PTPN3: variants seen among roughly 807,000 people sequenced by gnomAD.
PTPN3 encodes protein tyrosine phosphatase non-receptor type 3, also known as tyrosine-protein phosphatase non-receptor type 3.
PTPN3 carries 96 observed loss-of-function variants against 132.7 expected under a neutral mutation model. That is an observed-to-expected ratio of 0.72 (90% confidence interval 0.61 to 0.86). The LOEUF (loss-of-function observed/expected upper bound fraction) is 0.86, where lower values mean the gene tolerates loss of function less well. Ranked by LOEUF, PTPN3 falls within the 40% of genes least tolerant of loss-of-function variation. The pLI is 0.00. For missense variants in PTPN3, 1,125 were observed against 1,159.6 expected, an observed-to-expected ratio of 0.97 and a Z score of 0.43; for synonymous variants, 398 against 429.0, an observed-to-expected ratio of 0.93 and a Z score of 0.89.
chr9:109,379,697 T>G, intron 25 of PTPN3, 64 bp from the exon 26 acceptor site: 1 of 1,345,392 alleles, frequency 7.4e-7, no homozygotes, highest in Non-Finnish European at 1.1e-6. Context: ...CCACACCCTG[T>G]ACCGGTGGGT....
Position 109,391,559 on chromosome 9 carries a change from T to G in PTPN3, c.1956A>C (p.Gln652His). ...ESGTVLIQFE[Q>H]LYRKKPGLAI... ...CCAAACCTGGCTTTTTTCTGTAGAG[T>G]TGCTATGTGAGAAATAGAGAAAAAA... Residue 652 changes from glutamine to histidine, a missense_variant and splice_region_variant, in exon 20 of 26, where the codon CAA becomes CAC. Transcript: ENST00000374541. 1 of 1,610,246 alleles carries G rather than the reference T, an allele frequency of 6.2e-7. No homozygotes were observed.
chr9:109,426,940 G>A lies in PTPN3; in HGVS notation c.1001+10C>T. On this transcript the variant is annotated intron_variant, in intron 12 of 25. Transcript: ENST00000374541. ...GCCTAGTGTGGACACAGTCTTTACA[G>A]CACACTCACTTTTTGGTGTTCCGAG... The A allele has an allele frequency of 6.2e-7, 1 of 1,603,040 alleles. No individual in the cohort carries two copies. The highest frequency in any genetic ancestry group is 8.5e-7 in the Non-Finnish European group (1 of 1,170,322).
chr9:109,380,143 C>T (rs933195317), intron 25 of PTPN3, among the ~76,000 whole-genome samples: 3 of 152,104 alleles, frequency 2.0e-5, no homozygotes, highest in African/African-American at 7.2e-5. Context: ...TAGCAAATAC[C>T]TAAGAAACAT....
chr9:109,462,720 GGATGAGCCAGAACCTCCC>G (rs1845905445), intron 2 of PTPN3, among the ~76,000 whole-genome samples: 1 of 151,946 alleles, frequency 6.6e-6, no homozygotes, highest in Non-Finnish European at 1.5e-5. Flanking sequence ...GCTTTAAGTG[GGATGAGCCAGAACCTCCC>G]CAAGCCCTGC....
rs1272757299 is a variant in PTPN3 at position 109,375,746 on chromosome 9, G to C, written c.*3810C>G. On this transcript the variant is annotated 3_prime_UTR_variant, in exon 26 of 26. Coordinates refer to ENST00000374541, the MANE Select transcript of PTPN3 (RefSeq NM_002829.4). ...ATATTGATTAAATTGTTTTTCAGTA[G>C]AATCACTGACAGAACAGGTCAGAAT... is the stretch of plus-strand genomic sequence containing the variant. 2 of 152,198 alleles carry C rather than the reference G, an allele frequency of 1.3e-5. No individual in the cohort carries two copies. The highest frequency in any genetic ancestry group is 4.8e-5 in the African/African-American group (2 of 41,456). 9.4% of individuals were successfully genotyped at this position (152,198 alleles called of 1,614,324 possible).
At chr9:109,421,781 G>C (rs758580919) in intron 13 of PTPN3, among the ~76,000 whole-genome samples, 2 of 152,202 alleles carry the variant, frequency 1.3e-5, no homozygotes, top group Non-Finnish European at 2.9e-5. Flanking sequence ...CCAGTGAAGG[G>C]GTCCTTCCCT....
At chr9:109,434,448 C>G (rs1000185234) in intron 9 of PTPN3, among the ~76,000 whole-genome samples, 14 of 150,974 alleles carry the variant, frequency 9.3e-5, no homozygotes, top group Non-Finnish European at 1.6e-4. Context: ...GCTGGGACTA[C>G]AGGCATGTGC....
intron 6 of PTPN3, among the ~76,000 whole-genome samples, chr9:109,447,064 C>G (rs1047157301): frequency 2.6e-5 from 4 of 152,206 alleles, no homozygotes; most frequent in African/African-American, 9.6e-5. Context: ...AGCAGAGACC[C>G]TCTCCTCAGA....
intron 5 of PTPN3, 147 bp downstream of exon 5, chr9:109,454,349 C>CA: frequency 1.4e-6 from 1 of 710,892 alleles, no homozygotes; most frequent in Non-Finnish European, 2.4e-6. Flanking sequence ...TCAGTATGTG[C>CA]ACCCCAGATT....
At chr9:109,405,382 G>A (rs1416166398) in intron 18 of PTPN3, among the ~76,000 whole-genome samples, 1 of 152,168 alleles carries the variant, frequency 6.6e-6, no homozygotes, top group Non-Finnish European at 1.5e-5. Context: ...TCAGCCAAAC[G>A]TGTGAGGCAG....
chr9:109,463,362 T>C lies in PTPN3; in HGVS notation c.73A>G (p.Thr25Ala). 6.2e-7 allele frequency: 1 copy of C among 1,613,472 alleles called. No homozygotes were observed. The highest frequency in any genetic ancestry group is 2.2e-5 in the East Asian group (1 of 44,818). The change falls in exon 2 of 26, where the codon ACT becomes GCT. Residue 25 changes from threonine (T) to alanine (A), a missense_variant. Thr to Ala is a moderately conservative substitution (Grantham distance 58). Coordinates refer to ENST00000374541, the MANE Select transcript of PTPN3 (RefSeq NM_002829.4). ...IRTSELPKEKTRSEVICSIHF... is the reference protein window; with the variant it reads ...IRTSELPKEKARSEVICSIHF... The stretch of plus-strand genomic sequence containing the variant: ...ATGCTGCAAATGACTTCTGATCGAG[T>C]TTTCTCTTTGGGTAACTCCGAGGTG...
intron 10 of PTPN3, among the ~76,000 whole-genome samples, chr9:109,432,042 T>C (rs1257981489): frequency 1.3e-5 from 2 of 148,674 alleles, no homozygotes; most frequent in East Asian, 3.9e-4. Flanking sequence ...TAATATATAT[T>C]ATTCTATTAT....
chr9:109,529,829 A>T, the PTPN3 span, among the ~76,000 whole-genome samples: 81,149 of 152,022 alleles, frequency 0.53, 22,814 homozygotes, highest in East Asian at 0.85. Flanking sequence ...ACAGATTTTT[A>T]AAAAACATAT....
At chr9:109,500,762 C>A (rs934598336), upstream of PTPN3, among the ~76,000 whole-genome samples, 3 of 151,712 alleles carry the variant, frequency 2.0e-5, no homozygotes, top group African/African-American at 4.8e-5. Context: ...AAGACCCCAT[C>A]TTTACAAAAA....
chr9:109,398,609 A>C (rs1840790130), intron 19 of PTPN3, among the ~76,000 whole-genome samples: 1 of 152,132 alleles, frequency 6.6e-6, no homozygotes, highest in Non-Finnish European at 1.5e-5. Flanking sequence ...GTAATCCATC[A>C]ACTGGGGGAT....
At chr9:109,534,669 G>C in the PTPN3 span, among the ~76,000 whole-genome samples, 1 of 148,076 alleles carries the variant, frequency 6.8e-6, no homozygotes, top group East Asian at 2.0e-4. Context: ...GGGCGTGGTA[G>C]CTTGCGCCTG....
intron 1 of PTPN3, among the ~76,000 whole-genome samples, chr9:109,467,750 G>A (rs1192587317): frequency 6.6e-6 from 1 of 152,190 alleles, no homozygotes; most frequent in Admixed American, 6.5e-5. Context: ...TGCTCGTGCT[G>A]GCGTGGGTGC....
Position 109,437,080 on chromosome 9 carries a change from C to T in PTPN3, c.588-110G>A, listed in dbSNP as rs797015651. The T allele has an allele frequency of 5.4e-6, 8 of 1,482,628 alleles. No homozygotes were observed. The African/African-American group carries it at 8.4e-5, about 16-fold the overall frequency. The allele number at this position is 1,482,628 out of a possible 1,614,324, so 91.8% of individuals were successfully genotyped here. ...ACCATTTCTGTAAGGTTATTAAATGCCTTATGTTATCAATCTTCAGCAATC... is the reference window on the plus strand; with the variant it reads ...ACCATTTCTGTAAGGTTATTAAATGTCTTATGTTATCAATCTTCAGCAATC... On this transcript the variant is annotated intron_variant, in intron 8 of 25. Coordinates refer to ENST00000374541, the MANE Select transcript of PTPN3 (RefSeq NM_002829.4).
the PTPN3 span, among the ~76,000 whole-genome samples, chr9:109,508,102 C>T: frequency 4.6e-5 from 7 of 152,122 alleles, no homozygotes; most frequent in Non-Finnish European, 8.8e-5. Context: ...CCCCGATTAT[C>T]TCCACTGGCT....
Sources: gnomAD v4.1 joint callset for allele counts (sites outside exome capture counted in the v4.1 genomes callset) on GRCh38, gnomAD v4.1.1 for gene constraint, MANE v1.5 for transcripts, NCBI Gene and HGNC (gene_info 2026-07-23, HGNC 2026-07-21) for gene names.